Variants in MYRIP observed in about 807,000 individuals in gnomAD.
MYRIP encodes the protein myosin VIIA and Rab interacting protein.
A neutral mutation model predicts 98.0 loss-of-function variants in MYRIP; 49 were observed. The ratio of observed to expected loss-of-function variants is 0.50; its 90% CI spans 0.40 to 0.63. The LOEUF (loss-of-function observed/expected upper bound fraction) is 0.63, where lower values mean the gene tolerates loss of function less well. MYRIP is among the 30% of genes least tolerant of loss of function. The probability of loss-of-function intolerance (pLI) is 0.00; values close to 1 mark genes in which losing one functional copy is unlikely to be tolerated. For synonymous variants in MYRIP, 404 were observed against 409.5 expected (o/e 0.99, Z 0.16); for missense variants, 1,004 against 1,058.2 (o/e 0.95, Z 0.71).
chr3:40,101,041 T>A (rs2125891854), intron 3 of MYRIP, among the ~76,000 whole-genome samples: 1 of 152,332 alleles, frequency 6.6e-6, no homozygotes, highest in Non-Finnish European at 1.5e-5. Context: ...TACACACCAC[T>A]TTCAACTTTT....
At chr3:39,951,619 A>G (rs1375841033) in intron 2 of MYRIP, among the ~76,000 whole-genome samples, 1 of 152,122 alleles carries the variant, frequency 6.6e-6, no homozygotes, top group South Asian at 2.1e-4. Context: ...TGAGTTTTAT[A>G]TATGTAATTT....
intron 3 of MYRIP, among the ~76,000 whole-genome samples, chr3:40,063,995 A>G (rs1303964187): frequency 1.3e-5 from 2 of 152,072 alleles, no homozygotes; most frequent in African/African-American, 4.8e-5. Context: ...AGGTGAGAAC[A>G]GGAGGGAAGG....
intron 3 of MYRIP, among the ~76,000 whole-genome samples, chr3:40,069,787 G>A (rs1575511907): frequency 1.3e-5 from 2 of 152,260 alleles, no homozygotes; most frequent in East Asian, 3.9e-4. Flanking sequence ...GGAGAGGGAT[G>A]GTTTCAGAAT....
At chr3:40,070,249 C>A (rs1948197613) in intron 3 of MYRIP, among the ~76,000 whole-genome samples, 1 of 152,142 alleles carries the variant, frequency 6.6e-6, no homozygotes, top group Non-Finnish European at 1.5e-5. Flanking sequence ...CCCTTTCATT[C>A]TTTGCAGGGA....
intron 3 of MYRIP, among the ~76,000 whole-genome samples, chr3:40,058,226 G>A (rs1947923514): frequency 1.3e-5 from 2 of 152,140 alleles, no homozygotes; most frequent in Non-Finnish European, 2.9e-5. Flanking sequence ...ATTGGTGAAT[G>A]AGGAGACTTA....
intron 2 of MYRIP, among the ~76,000 whole-genome samples, chr3:39,910,974 G>A (rs907828307): frequency 7.2e-5 from 11 of 152,088 alleles, no homozygotes; most frequent in African/African-American, 2.4e-4. Context: ...TCTCTGTCAC[G>A]TGAAGGTGGT....
At chr3:39,930,302 T>C (rs1278820359) in intron 2 of MYRIP, among the ~76,000 whole-genome samples, 4 of 152,118 alleles carry the variant, frequency 2.6e-5, no homozygotes, top group East Asian at 3.9e-4. Context: ...TTAATGATGT[T>C]GAGCGTCTTC....
chr3:40,219,699 G>A (rs1468752745), intron 11 of MYRIP, among the ~76,000 whole-genome samples: 1 of 152,128 alleles, frequency 6.6e-6, no homozygotes, highest in South Asian at 2.1e-4. Context: ...ATTCCATGGT[G>A]TATATGTGCC....
At chr3:40,144,070 G>A (rs1575573125) in intron 3 of MYRIP, among the ~76,000 whole-genome samples, 1 of 152,198 alleles carries the variant, frequency 6.6e-6, no homozygotes, top group East Asian at 1.9e-4. Context: ...CTTAGAACAT[G>A]ATATTAGGAC....
Position 40,182,282 on chromosome 3 carries a change from T to A in MYRIP, c.936T>A (p.Ala312=), listed in dbSNP as rs545145797. ...EEALKTPPVE[A]PSRQPRDQGQ... ...CCCTGAAGACCCCTCCAGTGGAGGC[T>A]CCATCGAGGCAGCCAAGGGACCAAG... Residue 312 remains alanine, a synonymous_variant, in exon 9 of 17, where the codon GCT becomes GCA. Coordinates refer to ENST00000302541, the MANE Select transcript of MYRIP (RefSeq NM_015460.4). 1 of 1,613,968 alleles carries A rather than the reference T, an allele frequency of 6.2e-7. No individual in the cohort carries two copies. Among genetic ancestry groups the A allele is most frequent in the Non-Finnish European group, 8.5e-7 (1 of 1,179,966 alleles).
intron 4 of MYRIP, among the ~76,000 whole-genome samples, chr3:40,153,620 A>C (rs866951150): frequency 4.6e-5 from 7 of 152,248 alleles, no homozygotes; most frequent in Non-Finnish European, 8.8e-5. Flanking sequence ...TCCAAGGTAC[A>C]GCCAAGACTG....
chr3:40,151,909 C>T (rs1950130682), intron 4 of MYRIP, among the ~76,000 whole-genome samples: 2 of 152,102 alleles, frequency 1.3e-5, no homozygotes, highest in African/African-American at 4.8e-5. Context: ...GAAAAAACCT[C>T]ATTCATCTTA....
intron 10 of MYRIP, among the ~76,000 whole-genome samples, chr3:40,199,451 G>A (rs951837695): frequency 1.1e-4 from 17 of 152,296 alleles, no homozygotes; most frequent in Admixed American, 3.9e-4. Context: ...TGTTTTGTGA[G>A]TGTTGTGGAG....
At chr3:40,223,660 G>A (rs1205101851) in intron 11 of MYRIP, among the ~76,000 whole-genome samples, 2 of 152,234 alleles carry the variant, frequency 1.3e-5, no homozygotes, top group Non-Finnish European at 2.9e-5. Flanking sequence ...ACAGAGAGAT[G>A]TTGAACTTCT....
chr3:40,137,932 A>G (rs565707370), intron 3 of MYRIP, among the ~76,000 whole-genome samples: 1 of 152,356 alleles, frequency 6.6e-6, no homozygotes, highest in East Asian at 1.9e-4. Context: ...GAGCTCTTGC[A>G]GGACAGATCT....
intron 2 of MYRIP, among the ~76,000 whole-genome samples, chr3:39,946,783 G>A (rs1468609603): frequency 5.9e-5 from 9 of 152,116 alleles, no homozygotes; most frequent in East Asian, 3.9e-4. Flanking sequence ...AAAATGTGCC[G>A]AGCTTATGAC....
At chr3:40,037,307 G>T (rs1947405099) in intron 2 of MYRIP, among the ~76,000 whole-genome samples, 1 of 152,030 alleles carries the variant, frequency 6.6e-6, no homozygotes, top group East Asian at 1.9e-4. Context: ...GGGTAAAATT[G>T]AATGGAAGTA....
intron 4 of MYRIP, among the ~76,000 whole-genome samples, chr3:40,156,526 G>A (rs1226689201): frequency 1.3e-5 from 2 of 152,112 alleles, no homozygotes; most frequent in African/African-American, 4.8e-5. Context: ...CCAATTCTGT[G>A]AAGAAAGTAA....
chr3:40,219,793 A>T (rs1272855518), intron 11 of MYRIP, among the ~76,000 whole-genome samples: 1 of 151,936 alleles, frequency 6.6e-6, no homozygotes, highest in Non-Finnish European at 1.5e-5. Flanking sequence ...CACAATAAAC[A>T]TATGTGTGCA....
Sources: gnomAD v4.1 joint callset for allele counts (sites outside exome capture counted in the v4.1 genomes callset) on GRCh38, gnomAD v4.1.1 for gene constraint, MANE v1.5 for transcripts, NCBI Gene and HGNC (gene_info 2026-07-23, HGNC 2026-07-21) for gene names.